The following CEP83 variants were observed in gnomAD, a reference collection of about 807,000 sequenced individuals.
The protein encoded by CEP83 is centrosomal protein of 83 kDa.
CEP83 carries 70 observed loss-of-function variants against 101.9 expected under a neutral mutation model. The observed-to-expected ratio is 0.69, with a 90% CI of 0.57 to 0.84. The LOEUF (loss-of-function observed/expected upper bound fraction) is 0.84. CEP83 is among the 40% of genes least tolerant of loss of function. CEP83 has a pLI of 0.00. For synonymous variants in CEP83, 264 were observed against 267.9 expected, an observed-to-expected ratio of 0.99 and a Z score of 0.14; for missense variants, 715 against 787.2, an observed-to-expected ratio of 0.91 and a Z score of 1.10.
intron 6 of CEP83, among the ~76,000 whole-genome samples, chr12:94,387,263 G>C (rs2062203675): frequency 6.6e-6 from 1 of 152,200 alleles, no homozygotes. Flanking sequence ...AGCAGGAAGT[G>C]AGCAGCAGGT....
At chr12:94,429,666 T>G (rs2065472133) in intron 2 of CEP83, among the ~76,000 whole-genome samples, 1 of 152,142 alleles carries the variant, frequency 6.6e-6, no homozygotes, top group Non-Finnish European at 1.5e-5. Flanking sequence ...CTCATTTTCA[T>G]GTGCCCAGAG....
intron 6 of CEP83, among the ~76,000 whole-genome samples, chr12:94,384,164 T>C (rs760135038): frequency 3.9e-5 from 6 of 152,176 alleles, no homozygotes; most frequent in Non-Finnish European, 7.4e-5. Flanking sequence ...TTTCCTTCAT[T>C]TGAGAATGTC....
At chr12:94,434,112 A>G (rs929122168) in intron 2 of CEP83, 4 of 152,108 alleles carry the variant, frequency 2.6e-5, no homozygotes, top group Non-Finnish European at 4.4e-5. Flanking sequence ...ACCTGCTGCT[A>G]CTCCTCCTCA....
intron 2 of CEP83, among the ~76,000 whole-genome samples, chr12:94,415,390 T>A (rs945204952): frequency 6.6e-6 from 1 of 152,114 alleles, no homozygotes; most frequent in East Asian, 1.9e-4. Flanking sequence ...ATGAATCTTA[T>A]GAAAGAAATT....
At chr12:94,278,123 T>G in the CEP83 span, 1 of 437,882 alleles carries the variant, frequency 2.3e-6, no homozygotes. Flanking sequence ...TTCTTGCCTG[T>G]TAGACTCTCC....
chr12:94,409,310 C>A (rs1032590879), intron 4 of CEP83, among the ~76,000 whole-genome samples: 3 of 151,874 alleles, frequency 2.0e-5, no homozygotes, highest in Admixed American at 1.3e-4. Context: ...AGAAGCCTTA[C>A]TAGATATGTT....
intron 12 of CEP83, among the ~76,000 whole-genome samples, chr12:94,334,292 T>C (rs1197985805): frequency 6.6e-6 from 1 of 151,866 alleles, no homozygotes; most frequent in Non-Finnish European, 1.5e-5. Flanking sequence ...CCAAACTACA[T>C]AATGTCACTC....
rs148988542 is a variant in CEP83 at position 94,324,772 on chromosome 12, C to T, written c.1707+6928G>A. Among the ~76,000 whole-genome samples, 7 of 152,224 alleles carry T rather than the reference C, an allele frequency of 4.6e-5. 1 individual carries two copies. Among genetic ancestry groups the T allele is most frequent in the Admixed American group, 2.0e-4 (3 of 15,284 alleles). ...ATCTTTTTTAGTGCTGATCTGTAACCTGGACAACTAAAACATGGTTTCCCT... is the reference window on the plus strand; with the variant it reads ...ATCTTTTTTAGTGCTGATCTGTAACTTGGACAACTAAAACATGGTTTCCCT... On this transcript the variant is annotated intron_variant, in intron 14 of 16. Coordinates refer to ENST00000397809, the MANE Select transcript of CEP83 (RefSeq NM_016122.3).
chr12:94,366,969 T>C (rs2061056259), intron 11 of CEP83, among the ~76,000 whole-genome samples: 2 of 152,044 alleles, frequency 1.3e-5, no homozygotes, highest in South Asian at 4.1e-4. Context: ...TCTTATAATC[T>C]ATAGAAAAAA....
At chr12:94,442,526 T>A (rs1292924333) in intron 1 of CEP83, among the ~76,000 whole-genome samples, 5 of 152,278 alleles carry the variant, frequency 3.3e-5, no homozygotes, top group Non-Finnish European at 7.4e-5. Flanking sequence ...TAATGATTTT[T>A]TTTTTAGAAA....
intron 8 of CEP83, among the ~76,000 whole-genome samples, chr12:94,372,352 T>A (rs1185876960): frequency 6.6e-6 from 1 of 152,238 alleles, no homozygotes; most frequent in Non-Finnish European, 1.5e-5. Context: ...CAACAGCTGA[T>A]AATTTGTTTT....
chr12:94,297,549 G>GT, the CEP83 span: 2 of 662,562 alleles, frequency 3.0e-6, no homozygotes, highest in Non-Finnish European at 5.3e-6. Flanking sequence ...CAAAATGAAA[G>GT]TTTAAATTGT....
the CEP83 span, chr12:94,297,478 T>A: frequency 2.6e-6 from 3 of 1,176,100 alleles, no homozygotes; most frequent in Non-Finnish European, 3.8e-6. Context: ...GTATGATATG[T>A]TTGACTTAAT....
intron 2 of CEP83, chr12:94,423,810 TTGGCCGCTGC>T: frequency 6.2e-7 from 1 of 1,613,756 alleles, no homozygotes; most frequent in Non-Finnish European, 8.5e-7. Flanking sequence ...CTTGGTTCTG[TTGGCCGCTGC>T]TCTCCTCGAC....
intron 11 of CEP83, among the ~76,000 whole-genome samples, chr12:94,363,302 C>A (rs939866990): frequency 1.3e-5 from 2 of 152,160 alleles, no homozygotes; most frequent in Non-Finnish European, 2.9e-5. Flanking sequence ...TAAACATGTA[C>A]AATTGTGTGT....
the CEP83 span, among the ~76,000 whole-genome samples, chr12:94,295,349 A>G: frequency 3.3e-5 from 5 of 152,186 alleles, no homozygotes; most frequent in Non-Finnish European, 7.4e-5. Flanking sequence ...TTCCATCACT[A>G]TATGGGGCTG....
At chr12:94,363,999 C>CA (rs796639584) in intron 11 of CEP83, among the ~76,000 whole-genome samples, 27 of 137,332 alleles carry the variant, frequency 2.0e-4, no homozygotes, top group South Asian at 9.5e-4. Context: ...ATAACCCAGT[C>CA]AAAAAAAAAA....
At chr12:94,458,945 A>G (rs771412244) in intron 1 of CEP83, among the ~76,000 whole-genome samples, 1 of 152,244 alleles carries the variant, frequency 6.6e-6, no homozygotes. Context: ...GCTTGGTAAC[A>G]GAAGCACTGC....
chr12:94,458,076 A>T (rs376011798), intron 1 of CEP83, among the ~76,000 whole-genome samples: 9 of 151,970 alleles, frequency 5.9e-5, no homozygotes, highest in African/African-American at 2.2e-4. Flanking sequence ...ATGCACCTGT[A>T]ACCCCAGCTA....
Sources: gnomAD v4.1 joint callset for allele counts (sites outside exome capture counted in the v4.1 genomes callset) on GRCh38, gnomAD v4.1.1 for gene constraint, MANE v1.5 for transcripts, NCBI Gene and HGNC (gene_info 2026-07-23, HGNC 2026-07-21) for gene names.